The following TENM2 variants were observed in gnomAD, a reference collection of about 807,000 sequenced individuals.
The protein encoded by TENM2 is teneurin transmembrane protein 2.
Under a neutral mutation model 245.2 loss-of-function variants are expected in TENM2, and 52 were observed. The observed-to-expected ratio is 0.21, with a 90% CI of 0.17 to 0.27. TENM2 has a LOEUF of 0.27. Ranked by LOEUF, TENM2 falls within the 10% of genes least tolerant of loss-of-function variation. The pLI is 1.00. For missense variants in TENM2, 3,046 were observed against 3,666.8 expected (o/e 0.83, Z 4.37); for synonymous variants, 1,363 against 1,438.9 (o/e 0.95, Z 1.19).
Position 168,126,826 on chromosome 5 carries a change from C to G in TENM2, c.2282C>G (p.Thr761Arg), listed in dbSNP as rs373948928. ...GCCTGCCGCTGTGAAGAGGGCTGGA[C>G]AGGCGCAGCGTGTGACCAGCGCGTG... Residue 761 changes from threonine (T) to arginine (R), a missense_variant, in exon 12 of 29, where the codon ACA (threonine) becomes AGA (arginine). Physicochemically the swap from Thr to Arg is moderately conservative, Grantham distance 71. Around this residue, in one of 2 missense-constraint regions of TENM2, gnomAD observed 2,704 missense variants for 3,331.9 expected, o/e 0.81. Transcript: ENST00000518659. 9.3e-6 allele frequency: 15 copies of G among 1,613,160 alleles called. No individual in the cohort carries two copies. In the East Asian group the frequency reaches 2.7e-4, roughly 29 times the overall value.
chr5:167,696,285 A>G (rs1307461543), intron 2 of TENM2, among the ~76,000 whole-genome samples: 1 of 152,198 alleles, frequency 6.6e-6, no homozygotes, highest in Non-Finnish European at 1.5e-5. Context: ...TTATGATATT[A>G]TAAAAATTTA....
intron 16 of TENM2, 106 bp downstream of exon 18, chr5:168,199,220 A>G (rs1275192745): frequency 1.7e-6 from 2 of 1,208,256 alleles, no homozygotes; most frequent in East Asian, 5.2e-5. Context: ...GTAGGGGAGT[A>G]AAAAAAGTGG....
intron 3 of TENM2, among the ~76,000 whole-genome samples, chr5:167,928,214 C>T (rs191958362): frequency 5.9e-5 from 9 of 152,294 alleles, no homozygotes; most frequent in Middle Eastern, 3.4e-3. Flanking sequence ...TCCTTACCCT[C>T]TCTAGGAGCC....
chr5:167,379,864 A>G (rs1427984139), intron 2 of TENM2, among the ~76,000 whole-genome samples: 2 of 151,550 alleles, frequency 1.3e-5, no homozygotes, highest in African/African-American at 4.9e-5. Flanking sequence ...TTATGAAGCC[A>G]ATTTCCATGG....
At chr5:167,880,573 G>A (rs1457465272) in intron 3 of TENM2, among the ~76,000 whole-genome samples, 2 of 152,136 alleles carry the variant, frequency 1.3e-5, no homozygotes, top group African/African-American at 4.8e-5. Flanking sequence ...GGGAAATTCT[G>A]GGAATCCTCA....
chr5:167,887,307 G>C (rs913380531), intron 3 of TENM2, among the ~76,000 whole-genome samples: 2 of 152,162 alleles, frequency 1.3e-5, no homozygotes, highest in East Asian at 1.9e-4. Context: ...TGGTCTTTTT[G>C]TGTCCCTTAG....
intron 2 of TENM2, among the ~76,000 whole-genome samples, chr5:167,827,874 T>A (rs910366505): frequency 3.3e-5 from 5 of 152,066 alleles, no homozygotes; most frequent in Non-Finnish European, 7.4e-5. Flanking sequence ...GAATCCCTCT[T>A]CCCCTGCTGT....
At chr5:167,996,899 C>T (rs917024088) in intron 5 of TENM2, among the ~76,000 whole-genome samples, 12 of 152,070 alleles carry the variant, frequency 7.9e-5, no homozygotes, top group African/African-American at 1.2e-4. Flanking sequence ...CCACCACACC[C>T]GGCTAATTTT....
At chr5:167,121,030 A>G in the TENM2 span, among the ~76,000 whole-genome samples, 7 of 151,992 alleles carry the variant, frequency 4.6e-5, no homozygotes, top group South Asian at 1.5e-3. Flanking sequence ...CAAACAAACA[A>G]AACAACAACG....
the TENM2 span, among the ~76,000 whole-genome samples, chr5:167,154,022 C>T: frequency 6.6e-6 from 1 of 152,264 alleles, no homozygotes; most frequent in East Asian, 1.9e-4. Context: ...TGGTGAAATA[C>T]AAGGGCAAGG....
intron 25 of TENM2, among the ~76,000 whole-genome samples, chr5:168,237,988 C>A (rs1432214997): frequency 6.6e-6 from 1 of 150,970 alleles, no homozygotes; most frequent in African/African-American, 2.4e-5. Context: ...TAAAAAAATA[C>A]AAAAAAATTA....
the TENM2 span, among the ~76,000 whole-genome samples, chr5:166,979,190 A>AG: frequency 2.1e-4 from 23 of 111,468 alleles, no homozygotes; most frequent in African/African-American, 5.9e-4. Context: ...CAGCAGCACC[A>AG]CCACCAGCAG....
At chr5:168,032,993 A>C (rs956809612) in intron 5 of TENM2, 3 of 152,252 alleles carry the variant, frequency 2.0e-5, no homozygotes, top group African/African-American at 7.2e-5. Flanking sequence ...AAATCTTAAC[A>C]CATTAAGCTT....
chr5:167,206,871 C>T, the TENM2 span, among the ~76,000 whole-genome samples: 14 of 151,882 alleles, frequency 9.2e-5, no homozygotes, highest in Admixed American at 3.9e-4. Flanking sequence ...TAATAATTGC[C>T]ATATCAAATA....
At chr5:167,898,043 T>C (rs187648413) in intron 3 of TENM2, among the ~76,000 whole-genome samples, 28 of 152,290 alleles carry the variant, frequency 1.8e-4, no homozygotes, top group Admixed American at 5.9e-4. Flanking sequence ...TACCTCCTGC[T>C]GATCTGGGTT....
At chr5:167,999,318 G>T (rs1309714438) in intron 5 of TENM2, among the ~76,000 whole-genome samples, 1 of 152,220 alleles carries the variant, frequency 6.6e-6, no homozygotes, top group Non-Finnish European at 1.5e-5. Context: ...GAGAAAAAGA[G>T]AGCTGCCCAC....
intron 2 of TENM2, among the ~76,000 whole-genome samples, chr5:167,840,930 T>C (rs1192276369): frequency 1.3e-5 from 2 of 152,218 alleles, no homozygotes; most frequent in African/African-American, 2.4e-5. Flanking sequence ...TTAATGCTGC[T>C]GACAGAGACC....
chr5:168,013,269 C>CA lies in TENM2; in HGVS notation c.1186+20092dup, dbSNP rs1245328500. The stretch of plus-strand genomic sequence containing the variant: ...GAGGGTTGGAATTGTCTGATGCCGC[C>CA]AAAAATCAACAGTGTCTGATTAGAG... On this transcript the variant is annotated intron_variant, in intron 5 of 28. Transcript: ENST00000518659. Among the ~76,000 whole-genome samples the CA allele has an allele frequency of 4.6e-5, 7 of 152,186 alleles. No individual in the cohort carries two copies. The East Asian group carries it at 7.7e-4, about 17-fold the overall frequency.
At chr5:167,763,148 T>C (rs904215257) in intron 2 of TENM2, among the ~76,000 whole-genome samples, 1 of 152,212 alleles carries the variant, frequency 6.6e-6, no homozygotes, top group Non-Finnish European at 1.5e-5. Flanking sequence ...TGAAGGCAGC[T>C]GGTGCAAGGC....
Sources: allele counts gnomAD v4.1 joint callset (sites outside exome capture counted in the v4.1 genomes callset), GRCh38; gene constraint gnomAD v4.1.1; regional missense constraint gnomAD v4.1.1; transcripts MANE v1.5; gene names NCBI Gene and HGNC (gene_info 2026-07-23, HGNC 2026-07-21).